Variants in NEK7 observed in about 807,000 individuals in gnomAD.
NEK7 encodes NIMA related kinase 7, also known as serine/threonine-protein kinase Nek7.
In NEK7, 18 loss-of-function variants were observed where a neutral mutation model predicts 44.6. The observed-to-expected ratio is 0.40, with a 90% CI of 0.28 to 0.60. NEK7 has a LOEUF of 0.60. Among genes scored for constraint, NEK7 ranks in the 20% least tolerant of loss-of-function variants. NEK7 has a pLI of 0.38. For missense variants in NEK7, 256 were observed against 366.5 expected (o/e 0.70, Z 2.46); for synonymous variants, 130 against 121.1 (o/e 1.07, Z -0.48).
intron 1 of NEK7, among the ~76,000 whole-genome samples, chr1:198,200,993 C>G (rs1328359393): frequency 2.6e-5 from 4 of 152,104 alleles, no homozygotes; most frequent in Admixed American, 6.5e-5. Context: ...TGGGTGCCCT[C>G]TCTGTGGAGA....
chr1:198,233,202 A>T (rs1243543468), intron 2 of NEK7, among the ~76,000 whole-genome samples: 2 of 151,992 alleles, frequency 1.3e-5, no homozygotes, highest in Non-Finnish European at 2.9e-5. Flanking sequence ...GCCTTCCATG[A>T]TGGTGACTTT....
At chr1:198,192,447 T>C (rs1665106683) in intron 1 of NEK7, among the ~76,000 whole-genome samples, 1 of 152,150 alleles carries the variant, frequency 6.6e-6, no homozygotes, top group South Asian at 2.1e-4. Context: ...ATTGATTAGA[T>C]ATGGGTGAGA....
chr1:198,320,826 C>T lies in NEK7; in HGVS notation c.*1304C>T, dbSNP rs1655514845. ...TGAGATTAACATTTCTATTGAGAAG[C>T]TTTTGAGTAAAGTACTGTATTTGTT... On this transcript the variant is annotated 3_prime_UTR_variant, in exon 10 of 10. Coordinates refer to ENST00000367385, the MANE Select transcript of NEK7 (RefSeq NM_133494.3). 6.6e-6 allele frequency: 1 copy of T among 152,162 alleles called. No homozygotes were observed. Among genetic ancestry groups the T allele is most frequent in the South Asian group, 2.1e-4 (1 of 4,824 alleles). 9.4% of individuals were successfully genotyped at this position (152,162 alleles called of 1,614,324 possible).
chr1:198,198,398 C>T (rs1331309928), intron 1 of NEK7, among the ~76,000 whole-genome samples: 1 of 152,122 alleles, frequency 6.6e-6, no homozygotes, highest in Non-Finnish European at 1.5e-5. Flanking sequence ...CTGATGGGAC[C>T]TGTGTATCCT....
intron 1 of NEK7, among the ~76,000 whole-genome samples, chr1:198,157,803 C>A (rs1358498342): frequency 6.6e-6 from 1 of 152,082 alleles, no homozygotes; most frequent in East Asian, 1.9e-4. Context: ...GTACAGGGAG[C>A]GTGAGAGGTC....
At chr1:198,179,577 T>C (rs976794253) in intron 1 of NEK7, among the ~76,000 whole-genome samples, 5 of 152,122 alleles carry the variant, frequency 3.3e-5, no homozygotes, top group African/African-American at 1.2e-4. Flanking sequence ...GAAGTGTTCA[T>C]GTAGGAAAAT....
intron 1 of NEK7, among the ~76,000 whole-genome samples, chr1:198,179,908 C>T (rs1049065926): frequency 6.6e-6 from 1 of 152,004 alleles, no homozygotes; most frequent in Admixed American, 6.6e-5. Flanking sequence ...GTCAGGAAAC[C>T]TGAGTTTCTT....
chr1:198,210,140 G>A (rs1211304573), intron 1 of NEK7, among the ~76,000 whole-genome samples: 1 of 152,056 alleles, frequency 6.6e-6, no homozygotes, highest in East Asian at 1.9e-4. Context: ...TGTCACTTAG[G>A]CTGGAGTGCA....
chr1:198,201,127 T>A (rs545224836), intron 1 of NEK7, among the ~76,000 whole-genome samples: 1 of 152,328 alleles, frequency 6.6e-6, no homozygotes, highest in African/African-American at 2.4e-5. Flanking sequence ...CTACTTTTGT[T>A]TTTTTAAGTG....
intron 9 of NEK7, among the ~76,000 whole-genome samples, chr1:198,315,690 T>C (rs777067270): frequency 6.6e-6 from 1 of 152,164 alleles, no homozygotes; most frequent in Non-Finnish European, 1.5e-5. Context: ...TGCTGACGGT[T>C]AGGCAGGTGG....
intron 2 of NEK7, among the ~76,000 whole-genome samples, chr1:198,233,125 T>C (rs552957839): frequency 3.3e-5 from 5 of 151,174 alleles, no homozygotes; most frequent in African/African-American, 4.8e-5. Context: ...GTGCCTAAGC[T>C]TGGGAGTGCC....
chr1:198,215,847 C>T (rs1665903757), intron 1 of NEK7, among the ~76,000 whole-genome samples: 1 of 151,850 alleles, frequency 6.6e-6, no homozygotes, highest in South Asian at 2.1e-4. Flanking sequence ...GGGATCAATT[C>T]AACAAGAAGA....
At position 198,198,791 on chromosome 1, in the gene NEK7, C is replaced by T. The variant is rs1464199768; in HGVS notation, c.-28-33762C>T. ...ATTCTCAGTTTTTAATTCCCTCTCC[C>T]CACAATTCGTCGGTAGCCCCCAGCA... is the stretch of plus-strand genomic sequence containing the variant. On this transcript the variant is annotated intron_variant, in intron 1 of 9. Transcript: ENST00000367385. Among the ~76,000 whole-genome samples the T allele has an allele frequency of 2.6e-5, 4 of 152,224 alleles. No individual in the cohort carries two copies. The East Asian group carries it at 7.7e-4, about 29-fold the overall frequency.
chr1:198,264,026 TAA>T (rs1410220488), intron 4 of NEK7, 97 bp from the exon 5 acceptor site: 1 of 1,249,970 alleles, frequency 8.0e-7, no homozygotes, highest in African/African-American at 1.6e-5. Flanking sequence ...TTCTGTAATT[TAA>T]AAAATACGGT....
At chr1:198,246,512 C>G (rs1666840110) in intron 2 of NEK7, among the ~76,000 whole-genome samples, 1 of 152,244 alleles carries the variant, frequency 6.6e-6, no homozygotes, top group Non-Finnish European at 1.5e-5. Context: ...CATCCCTCAA[C>G]TGCCAAAAAA....
chr1:198,239,306 G>T (rs1298652979), intron 2 of NEK7, among the ~76,000 whole-genome samples: 1 of 151,912 alleles, frequency 6.6e-6, no homozygotes, highest in Non-Finnish European at 1.5e-5. Flanking sequence ...GATTCCTCTA[G>T]CTGCATTTTG....
chr1:198,194,157 A>G (rs1432964950), intron 1 of NEK7, among the ~76,000 whole-genome samples: 2 of 152,168 alleles, frequency 1.3e-5, no homozygotes, highest in African/African-American at 2.4e-5. Flanking sequence ...ACTGATTTTT[A>G]TGAACTTTAT....
chr1:198,197,906 A>T, intron 1 of NEK7: 1 of 1,283,022 alleles, frequency 7.8e-7, no homozygotes, highest in East Asian at 2.3e-5. Flanking sequence ...TAGTCCGAAC[A>T]TGCCAGGAGC....
intron 5 of NEK7, among the ~76,000 whole-genome samples, chr1:198,276,130 A>G (rs1233958173): frequency 6.6e-6 from 1 of 151,614 alleles, no homozygotes; most frequent in African/African-American, 2.4e-5. Context: ...GAAAATAATC[A>G]GATTATCTTG....
Sources: allele counts gnomAD v4.1 joint callset (sites outside exome capture counted in the v4.1 genomes callset), GRCh38; gene constraint gnomAD v4.1.1; transcripts MANE v1.5; gene names NCBI Gene and HGNC (gene_info 2026-07-23, HGNC 2026-07-21).